The following KCNMB2 variants were observed in gnomAD, a reference collection of about 807,000 sequenced individuals.
The protein encoded by KCNMB2 is potassium calcium-activated channel subfamily M regulatory beta subunit 2.
In KCNMB2, 9 loss-of-function variants were observed where a neutral mutation model predicts 24.5. The ratio of observed to expected loss-of-function variants is 0.37; its 90% CI spans 0.22 to 0.64. KCNMB2 has a LOEUF of 0.64. KCNMB2 is among the 30% of genes least tolerant of loss of function. The probability of loss-of-function intolerance (pLI) is 0.63; values close to 1 mark genes in which losing one functional copy is unlikely to be tolerated. For missense variants in KCNMB2, 226 were observed against 284.3 expected, an observed-to-expected ratio of 0.79 and a Z score of 1.47; for synonymous variants, 109 against 104.4, an observed-to-expected ratio of 1.04 and a Z score of -0.27.
intron 1 of KCNMB2, among the ~76,000 whole-genome samples, chr3:178,747,339 A>G (rs1033615924): frequency 2.0e-5 from 3 of 152,204 alleles, no homozygotes; most frequent in Non-Finnish European, 4.4e-5. Context: ...CCATGACTCA[A>G]TTACCTCCCA....
At chr3:178,696,249 C>A (rs963691503) in intron 1 of KCNMB2, among the ~76,000 whole-genome samples, 2 of 152,188 alleles carry the variant, frequency 1.3e-5, no homozygotes, top group Non-Finnish European at 2.9e-5. Flanking sequence ...CTCCACCTGG[C>A]CCCTCCCATG....
chr3:178,651,604 T>C (rs1021949278), intron 1 of KCNMB2, among the ~76,000 whole-genome samples: 8 of 152,196 alleles, frequency 5.3e-5, no homozygotes, highest in African/African-American at 1.2e-4. Context: ...AAATAGCCCA[T>C]ATAGCCAAGA....
intron 1 of KCNMB2, among the ~76,000 whole-genome samples, chr3:178,739,089 T>C (rs1723410001): frequency 1.4e-5 from 2 of 138,594 alleles, no homozygotes; most frequent in South Asian, 2.3e-4. Context: ...TAGAAAAATG[T>C]CCCTAAATAA....
intron 1 of KCNMB2, among the ~76,000 whole-genome samples, chr3:178,543,130 T>C (rs1245498784): frequency 6.6e-6 from 1 of 152,232 alleles, no homozygotes; most frequent in East Asian, 1.9e-4. Flanking sequence ...TCTTGGCATG[T>C]CATGTCTCCA....
chr3:178,647,658 T>C (rs762320841), intron 1 of KCNMB2, among the ~76,000 whole-genome samples: 1 of 152,210 alleles, frequency 6.6e-6, no homozygotes, highest in Non-Finnish European at 1.5e-5. Flanking sequence ...TTAATAATAG[T>C]TAAGTAGGCT....
chr3:178,623,571 C>G (rs371111229), intron 1 of KCNMB2, among the ~76,000 whole-genome samples: 1 of 152,084 alleles, frequency 6.6e-6, no homozygotes, highest in African/African-American at 2.4e-5. Flanking sequence ...GTGACAGGTT[C>G]AAAGTGGTTC....
intron 1 of KCNMB2, among the ~76,000 whole-genome samples, chr3:178,774,134 C>A (rs1252359014): frequency 6.6e-6 from 1 of 152,082 alleles, no homozygotes; most frequent in East Asian, 1.9e-4. Flanking sequence ...CCTAAGCCCA[C>A]GAACATGGGC....
rs113520345 is a variant in KCNMB2, at chr3:178,631,743, G to A, written c.-68+95032G>A. Among the ~76,000 whole-genome samples, 162 of 152,274 alleles carry A rather than the reference G, an allele frequency of 1.1e-3. 1 individual carries two copies. Among genetic ancestry groups the A allele is most frequent in the African/African-American group, 3.7e-3 (153 of 41,550 alleles). On this transcript the variant is annotated intron_variant, in intron 1 of 4. Transcript: ENST00000452583. ...ACTACTAACTAAAATTCAAATTATG[G>A]ATTTCAGCTTGTTTTGCCACTCCTT...
chr3:178,592,938 T>C (rs1335415863), intron 1 of KCNMB2, among the ~76,000 whole-genome samples: 2 of 151,712 alleles, frequency 1.3e-5, no homozygotes, highest in African/African-American at 2.4e-5. Context: ...GAAAACACCA[T>C]TTAATATTCC....
chr3:178,798,014 A>C (rs567097814), intron 1 of KCNMB2, among the ~76,000 whole-genome samples: 46 of 152,314 alleles, frequency 3.0e-4, no homozygotes, highest in African/African-American at 1.1e-3. Context: ...GAAGTTGCTT[A>C]TCAGTTTAAG....
chr3:178,689,390 C>T (rs1721586964), intron 1 of KCNMB2, among the ~76,000 whole-genome samples: 1 of 152,132 alleles, frequency 6.6e-6, no homozygotes, highest in African/African-American at 2.4e-5. Context: ...AATCCCAGCA[C>T]TTTGGGAGGC....
At position 178,712,033 on chromosome 3, in the gene KCNMB2, G is replaced by C. The variant is rs145438427; in HGVS notation, c.-67-95310G>C. Among the ~76,000 whole-genome samples, 865 of 152,278 alleles carry C rather than the reference G, an allele frequency of 5.7e-3. 10 individuals are homozygous for C. Among genetic ancestry groups the C allele is most frequent in the African/African-American group, 0.02 (846 of 41,556 alleles). ...CAAAATTTTGCCGTTGTCACTGTGA[G>C]TAGGGAGTATCCAATTCTGTATTTT... On this transcript the variant is annotated intron_variant, in intron 1 of 4. Transcript: ENST00000452583.
At chr3:178,670,863 T>C (rs1720875263) in intron 1 of KCNMB2, among the ~76,000 whole-genome samples, 1 of 152,088 alleles carries the variant, frequency 6.6e-6, no homozygotes, top group South Asian at 2.1e-4. Flanking sequence ...GGGTATAAAA[T>C]CTAGGTCTTC....
intron 1 of KCNMB2, among the ~76,000 whole-genome samples, chr3:178,576,917 C>T (rs1447054988): frequency 6.6e-6 from 1 of 152,204 alleles, no homozygotes; most frequent in African/African-American, 2.4e-5. Context: ...TGGGTGCAGC[C>T]TCAGCAGACT....
At chr3:178,631,281 T>C (rs1719310366) in intron 1 of KCNMB2, among the ~76,000 whole-genome samples, 1 of 152,228 alleles carries the variant, frequency 6.6e-6, no homozygotes, top group Non-Finnish European at 1.5e-5. Context: ...CTGAAATTCC[T>C]GGTAAAGATG....
chr3:178,690,578 T>C (rs1687635802), intron 1 of KCNMB2, among the ~76,000 whole-genome samples: 1 of 151,794 alleles, frequency 6.6e-6, no homozygotes, highest in South Asian at 2.1e-4. Flanking sequence ...ACTGAGACAA[T>C]GGGGATGTAG....
intron 1 of KCNMB2, among the ~76,000 whole-genome samples, chr3:178,538,610 G>T (rs1190448953): frequency 1.3e-5 from 2 of 152,144 alleles, no homozygotes; most frequent in Non-Finnish European, 2.9e-5. Flanking sequence ...TTGTCAACAG[G>T]AGAAATTATT....
At position 178,789,802 on chromosome 3, in the gene KCNMB2, C is replaced by T. The variant is rs1407192643; in HGVS notation, c.-67-17541C>T. Among the ~76,000 whole-genome samples, 4 of 152,052 alleles carry T rather than the reference C, an allele frequency of 2.6e-5. 1 individual carries two copies. The highest frequency in any genetic ancestry group is 5.9e-5 in the Non-Finnish European group (4 of 68,008). ...CTGTGGGAAAAAGTCCTCTAAGGTC[C>T]TAAATAAACTTGAAAGGCAGCCTAG... On this transcript the variant is annotated intron_variant, in intron 1 of 4. Transcript: ENST00000452583.
chr3:178,698,398 A>G (rs183048127), intron 1 of KCNMB2, among the ~76,000 whole-genome samples: 1 of 152,140 alleles, frequency 6.6e-6, no homozygotes, highest in Admixed American at 6.5e-5. Context: ...TGTTTCCTCC[A>G]CTTGGTCTAT....
Sources: allele counts gnomAD v4.1 joint callset (sites outside exome capture counted in the v4.1 genomes callset), GRCh38; gene constraint gnomAD v4.1.1; transcripts MANE v1.5; gene names NCBI Gene and HGNC (gene_info 2026-07-23, HGNC 2026-07-21).